CSMD2: variants seen among roughly 807,000 people sequenced by gnomAD.
CSMD2 encodes CUB and Sushi multiple domains 2.
Under a neutral mutation model 398.5 loss-of-function variants are expected in CSMD2, and 130 were observed. The observed-to-expected ratio is 0.33, with a 90% CI of 0.28 to 0.38. The LOEUF (loss-of-function observed/expected upper bound fraction) is 0.38. CSMD2 is among the 10% of genes least tolerant of loss of function. The probability of loss-of-function intolerance (pLI) is 1.00; values close to 1 mark genes in which losing one functional copy is unlikely to be tolerated. For missense variants in CSMD2, 3,829 were observed against 4,764.9 expected (o/e 0.80, Z 5.78); for synonymous variants, 1,828 against 1,908.5 (o/e 0.96, Z 1.10).
intron 4 of CSMD2, among the ~76,000 whole-genome samples, chr1:33,931,581 G>A (rs773006878): frequency 5.3e-5 from 8 of 152,062 alleles, no homozygotes; most frequent in Non-Finnish European, 1.2e-4. Context: ...GACCCCTCAG[G>A]CAGCAGGGGG....
At chr1:33,733,731 C>T (rs752290025) in intron 15 of CSMD2, among the ~76,000 whole-genome samples, 29 of 152,164 alleles carry the variant, frequency 1.9e-4, no homozygotes, top group Non-Finnish European at 4.1e-4. Context: ...TCTGTCCTGA[C>T]GCCCTGTGAA....
intron 2 of CSMD2, among the ~76,000 whole-genome samples, chr1:34,059,581 T>A (rs1654231457): frequency 6.6e-6 from 1 of 152,210 alleles, no homozygotes; most frequent in African/African-American, 2.4e-5. Context: ...CTGTGTATTT[T>A]GTTCCCCCAC....
At chr1:33,551,388 A>G (rs548921062) in intron 55 of CSMD2, among the ~76,000 whole-genome samples, 10 of 152,322 alleles carry the variant, frequency 6.6e-5, no homozygotes, top group South Asian at 4.1e-4. Flanking sequence ...GTGTAGAGAA[A>G]GGACCAGGTG....
intron 48 of CSMD2, among the ~76,000 whole-genome samples, chr1:33,579,109 CAA>C (rs1638508440): frequency 6.6e-6 from 1 of 152,190 alleles, no homozygotes; most frequent in African/African-American, 2.4e-5. Flanking sequence ...ATTGTAATTA[CAA>C]CTGACTCATT....
In CSMD2 at chr1:33,625,205, G is replaced by A; in HGVS notation, c.5346C>T (p.Arg1782=). ...AGTCACTGCCCAGCCTCTTGCCATA[G>A]CGGGGTTCCGGCACAGAGCTGCACT... is the stretch of plus-strand genomic sequence containing the variant. ...ATQCSSVPEP[R]YGKRLGSDFS... Residue 1782 remains arginine, a synonymous_variant, in exon 34 of 71, where the codon CGC becomes CGT. Coordinates refer to ENST00000373381, the MANE Select transcript of CSMD2 (RefSeq NM_001281956.2). 1.2e-6 allele frequency: 2 copies of A among 1,613,736 alleles called. No homozygotes were observed. The highest frequency in any genetic ancestry group is 1.7e-6 in the Non-Finnish European group (2 of 1,179,946).
intron 5 of CSMD2, among the ~76,000 whole-genome samples, chr1:33,872,777 A>G (rs1022467214): frequency 6.6e-6 from 1 of 152,234 alleles, no homozygotes; most frequent in African/African-American, 2.4e-5. Flanking sequence ...ACAGGCTGAG[A>G]AAACAAGTCA....
At chr1:33,539,259 C>A (rs1401607517) in intron 60 of CSMD2, among the ~76,000 whole-genome samples, 1 of 152,194 alleles carries the variant, frequency 6.6e-6, no homozygotes, top group African/African-American at 2.4e-5. Flanking sequence ...AGTCACCTCA[C>A]CCGGCCAAGA....
chr1:33,719,748 T>C (rs1646294126), intron 19 of CSMD2, among the ~76,000 whole-genome samples: 1 of 152,182 alleles, frequency 6.6e-6, no homozygotes, highest in African/African-American at 2.4e-5. Context: ...TCCAGGTTCT[T>C]CAACTGTAAT....
intron 5 of CSMD2, among the ~76,000 whole-genome samples, chr1:33,868,101 T>C (rs1302273227): frequency 1.3e-5 from 2 of 152,002 alleles, no homozygotes; most frequent in Non-Finnish European, 2.9e-5. Flanking sequence ...GAGGAGAAGT[T>C]GGGGGAGCCT....
Position 33,546,043 on chromosome 1 carries a change from A to C in CSMD2, c.9094T>G (p.Cys3032Gly). The change falls in exon 57 of 71, where the codon TGT (cysteine) becomes GGT (glycine). Residue 3032 changes from cysteine (C) to glycine (G), a missense_variant. By Grantham distance (159) the Cys-to-Gly change is radical. Around this residue, in one of 5 missense-constraint regions of CSMD2, gnomAD observed 917 missense variants for 1,199.5 expected, o/e 0.76. Coordinates refer to ENST00000373381, the MANE Select transcript of CSMD2 (RefSeq NM_001281956.2). ...NGSWSGSQPE[C>G]GVISCGNPGT... Reference sequence around the variant, plus strand: ...GAATGGTCACATACATTACCTCCACACTCAGGCTGCGAGCCGCTCCACGAG... The same window carrying C: ...GAATGGTCACATACATTACCTCCACCCTCAGGCTGCGAGCCGCTCCACGAG... 1.2e-6 allele frequency: 2 copies of C among 1,612,058 alleles called. No homozygotes were observed. The highest frequency in any genetic ancestry group is 1.7e-6 in the Non-Finnish European group (2 of 1,178,758).
chr1:33,967,572 C>T (rs747682732), intron 3 of CSMD2, among the ~76,000 whole-genome samples: 13 of 152,170 alleles, frequency 8.5e-5, no homozygotes, highest in Non-Finnish European at 1.3e-4. Context: ...AGCCAAACGT[C>T]CATGATGGTC....
intron 10 of CSMD2, among the ~76,000 whole-genome samples, chr1:33,808,300 A>G (rs1007065065): frequency 6.6e-6 from 1 of 152,114 alleles, no homozygotes; most frequent in Non-Finnish European, 1.5e-5. Context: ...TTAGAAAACA[A>G]AAACTGCAAA....
intron 13 of CSMD2, among the ~76,000 whole-genome samples, chr1:33,745,284 G>A (rs1335335660): frequency 6.6e-6 from 1 of 152,060 alleles, no homozygotes; most frequent in Non-Finnish European, 1.5e-5. Flanking sequence ...AGGGTCGTAG[G>A]CGTTCAAAAT....
chr1:33,587,125 G>T lies in CSMD2; in HGVS notation c.6900C>A (p.Asn2300Lys), dbSNP rs201247458. The change falls in exon 45 of 71, where the codon AAC (asparagine) becomes AAA (lysine). Residue 2300 changes from asparagine to lysine, a missense_variant. Physicochemically the swap from Asn to Lys is moderately conservative, Grantham distance 94. Transcript: ENST00000373381. The stretch of plus-strand genomic sequence containing the variant: ...CTTCATTCTCTGTGACGACTTCGGC[G>T]TTGGGGAGGATGGTGGGAGGAGGGC... ...TKCPPPTILP[N>K]AEVVTENEEF... 2 of 1,610,364 alleles carry T rather than the reference G, an allele frequency of 1.2e-6. No homozygotes were observed. The highest frequency in any genetic ancestry group is 2.7e-5 in the African/African-American group (2 of 74,890).
chr1:33,559,359 G>A lies in CSMD2; in HGVS notation c.8495C>T (p.Ala2832Val), dbSNP rs1658339263. 2 of 1,535,916 alleles carry A rather than the reference G, an allele frequency of 1.3e-6. No homozygotes were observed. Among genetic ancestry groups the A allele is most frequent in the Non-Finnish European group, 1.7e-6 (2 of 1,146,916 alleles). The change falls in exon 54 of 71, where the codon GCT (alanine) becomes GTT (valine). Residue 2832 changes from alanine to valine, a missense_variant. Transcript: ENST00000373381. The surrounding 1 kb of genome is among the most constrained non-coding windows in gnomAD (Gnocchi z 4.0). ...GCTGGCCAGGCATTGGGACCTAGCAGCCCCCTCAGCCATATACCCAGGGTT... is the reference window on the plus strand; with the variant it reads ...GCTGGCCAGGCATTGGGACCTAGCAACCCCCTCAGCCATATACCCAGGGTT... ...VCNPGYMAEG[A>V]ARSQCLASGQ...
At chr1:33,699,833 C>T (rs1357422374) in intron 23 of CSMD2, among the ~76,000 whole-genome samples, 3 of 152,104 alleles carry the variant, frequency 2.0e-5, no homozygotes, top group African/African-American at 7.2e-5. Flanking sequence ...ACACATTTTT[C>T]CCCCAACTCC....
intron 27 of CSMD2, among the ~76,000 whole-genome samples, chr1:33,657,453 G>A (rs182710137): frequency 3.9e-5 from 6 of 152,270 alleles, no homozygotes; most frequent in Non-Finnish European, 7.4e-5. Context: ...CAGTCTGGGC[G>A]ACAGAGTGAG....
chr1:33,800,540 T>C (rs972834473), intron 10 of CSMD2, among the ~76,000 whole-genome samples: 1 of 152,156 alleles, frequency 6.6e-6, no homozygotes, highest in Non-Finnish European at 1.5e-5. Context: ...TGGAGGGGCA[T>C]TGGCAGGCAA....
At chr1:33,662,844 T>C (rs763678373) in intron 26 of CSMD2, 46 bp downstream of exon 26, 13 of 1,548,976 alleles carry the variant, frequency 8.4e-6, no homozygotes, top group Non-Finnish European at 1.2e-5. Flanking sequence ...GTGGGTGCCA[T>C]GTGTCAGGAC....
Sources: gnomAD v4.1 joint callset for allele counts (sites outside exome capture counted in the v4.1 genomes callset) on GRCh38, gnomAD v4.1.1 for gene constraint, gnomAD v4.1.1 regional missense constraint, Gnocchi (gnomAD v3.1) non-coding constraint, MANE v1.5 for transcripts, NCBI Gene and HGNC (gene_info 2026-07-23, HGNC 2026-07-21) for gene names.